Variants in HS6ST2 observed in about 807,000 individuals in gnomAD.
HS6ST2 encodes the protein heparan sulfate 6-O-sulfotransferase 2.
Under a neutral mutation model 33.0 loss-of-function variants are expected in HS6ST2, and 17 were observed. The ratio of observed to expected loss-of-function variants is 0.52; its 90% CI spans 0.35 to 0.77. The LOEUF (loss-of-function observed/expected upper bound fraction) is 0.77, where lower values mean the gene tolerates loss of function less well. HS6ST2 is among the 30% of genes least tolerant of loss of function. The pLI is 0.01. For missense variants in HS6ST2, 519 were observed against 551.7 expected, an observed-to-expected ratio of 0.94 and a Z score of 0.59; for synonymous variants, 248 against 237.1, an observed-to-expected ratio of 1.05 and a Z score of -0.42.
chrX:132,864,149 C>G (rs1486117185), intron 2 of HS6ST2, among the ~76,000 whole-genome samples: 1 of 109,785 alleles, frequency 9.1e-6, no homozygotes, highest in East Asian at 2.9e-4. Flanking sequence ...GAGGAAAAAC[C>G]ATCACAAAAC....
chrX:132,728,079 A>T lies in HS6ST2; in HGVS notation c.948-19585T>A, dbSNP rs1243763423. Among the ~76,000 whole-genome samples, 12 of 111,859 alleles carry T rather than the reference A, an allele frequency of 1.1e-4. No individual in the cohort carries two copies. The East Asian group carries it at 2.8e-3, about 26-fold the overall frequency. On this transcript the variant is annotated intron_variant, in intron 2 of 4. Coordinates refer to ENST00000370833, the MANE Select transcript of HS6ST2 (RefSeq NM_001394073.1). Reference sequence around the variant, plus strand: ...TTGGGGTTGTTTTCATTTTTTCACTATCATGATTAATGCTGCTATGAATGT... The same window carrying T: ...TTGGGGTTGTTTTCATTTTTTCACTTTCATGATTAATGCTGCTATGAATGT...
intron 2 of HS6ST2, among the ~76,000 whole-genome samples, chrX:132,711,810 T>C (rs1225165033): frequency 8.9e-6 from 1 of 111,851 alleles, no homozygotes; most frequent in Non-Finnish European, 1.9e-5. Context: ...GGAAAAATTA[T>C]AGAAGGAAAC....
At chrX:132,629,936 A>G (rs917817001) in intron 4 of HS6ST2, among the ~76,000 whole-genome samples, 1 of 112,593 alleles carries the variant, frequency 8.9e-6, no homozygotes, top group East Asian at 2.8e-4. Flanking sequence ...GGGCACGTGG[A>G]TGTCAGCAAG....
intron 2 of HS6ST2, among the ~76,000 whole-genome samples, chrX:132,930,701 G>A (rs1471448400): frequency 9.0e-6 from 1 of 111,372 alleles, no homozygotes; most frequent in East Asian, 2.8e-4. Flanking sequence ...CCAAGGGCTT[G>A]GCTTGGGGAA....
intron 2 of HS6ST2, among the ~76,000 whole-genome samples, chrX:132,820,522 C>T (rs896307978): frequency 1.8e-5 from 2 of 111,121 alleles, no homozygotes; most frequent in South Asian, 3.8e-4. Flanking sequence ...CGGAGAAAGC[C>T]CATGCAACGT....
chrX:132,804,332 C>G (rs1166842949), intron 2 of HS6ST2, among the ~76,000 whole-genome samples: 1 of 112,009 alleles, frequency 8.9e-6, no homozygotes, highest in African/African-American at 3.2e-5. Flanking sequence ...GTGCAGATAC[C>G]TGGACACCAC....
chrX:132,646,654 C>A (rs1241567837), intron 4 of HS6ST2, among the ~76,000 whole-genome samples: 2 of 111,093 alleles, frequency 1.8e-5, no homozygotes, highest in Non-Finnish European at 3.8e-5. Context: ...AGTTGGAACA[C>A]CGTGCAACGT....
intron 3 of HS6ST2, among the ~76,000 whole-genome samples, chrX:132,676,999 CCA>C (rs1340441078): frequency 8.9e-6 from 1 of 112,360 alleles, no homozygotes; most frequent in East Asian, 2.8e-4. Context: ...ACTGCAAACA[CCA>C]CAGAGTGGAG....
At chrX:132,758,355 T>G (rs2064776366) in intron 2 of HS6ST2, 1 of 111,910 alleles carries the variant, frequency 8.9e-6, no homozygotes, top group African/African-American at 3.2e-5. Context: ...GATCAGTGAT[T>G]TAATGCAAGA....
chrX:132,852,133 C>T (rs1359585546), intron 2 of HS6ST2, among the ~76,000 whole-genome samples: 1 of 111,288 alleles, frequency 9.0e-6, no homozygotes, highest in Non-Finnish European at 1.9e-5. Context: ...GAGTGAGACC[C>T]TGTCTCTTAA....
chrX:132,803,190 G>A (rs990712923), intron 2 of HS6ST2, among the ~76,000 whole-genome samples: 2 of 111,562 alleles, frequency 1.8e-5, no homozygotes, highest in Admixed American at 9.6e-5. Flanking sequence ...CTACTAGTTA[G>A]AGCTTCTTCA....
chrX:132,629,286 A>AT (rs749565258), intron 4 of HS6ST2, among the ~76,000 whole-genome samples, 193 bp from the exon 5 acceptor site: 1 of 111,822 alleles, frequency 8.9e-6, no homozygotes, highest in Admixed American at 9.4e-5. Context: ...GAGATAGCTA[A>AT]TTTTTTCAAC....
chrX:132,676,875 A>T (rs1282688084), intron 3 of HS6ST2, among the ~76,000 whole-genome samples: 1 of 112,134 alleles, frequency 8.9e-6, no homozygotes, highest in Non-Finnish European at 1.9e-5. Context: ...CAAAATTCAA[A>T]TCTGCTGGAT....
At chrX:132,753,877 G>A (rs1329006895) in intron 2 of HS6ST2, among the ~76,000 whole-genome samples, 1 of 111,887 alleles carries the variant, frequency 8.9e-6, no homozygotes, top group African/African-American at 3.2e-5. Context: ...AATAGTTTTG[G>A]ATTTCTAGAA....
At chrX:132,809,455 T>C (rs1214343518) in intron 2 of HS6ST2, among the ~76,000 whole-genome samples, 3 of 112,017 alleles carry the variant, frequency 2.7e-5, no homozygotes, top group Admixed American at 9.5e-5. Flanking sequence ...GTACTGACAA[T>C]GTGGTTGGCA....
In HS6ST2 at chrX:132,627,156, A is replaced by G. The variant is rs886199442; in HGVS notation, c.*1067T>C. 2.7e-5 allele frequency: 3 copies of G among 112,857 alleles called. No homozygotes were observed. The highest frequency in any genetic ancestry group is 5.6e-5 in the Non-Finnish European group (3 of 53,294). 9.3% of individuals were successfully genotyped at this position (112,857 alleles called of 1,213,427 possible). On this transcript the variant is annotated 3_prime_UTR_variant, in exon 5 of 5. Transcript: ENST00000370833. Reference sequence around the variant, plus strand: ...GTACAAAAAGTAAGTAAGAGTTCACATTTTAGGTTAAATTCTATCTGATCA... The same window carrying G: ...GTACAAAAAGTAAGTAAGAGTTCACGTTTTAGGTTAAATTCTATCTGATCA...
At chrX:132,685,108 C>G (rs907899595) in intron 3 of HS6ST2, among the ~76,000 whole-genome samples, 4 of 111,713 alleles carry the variant, frequency 3.6e-5, no homozygotes, top group African/African-American at 1.3e-4. Flanking sequence ...AGGACACACA[C>G]AAAAAGGTAC....
intron 2 of HS6ST2, among the ~76,000 whole-genome samples, chrX:132,720,474 A>G (rs2064318170): frequency 9.0e-6 from 1 of 111,274 alleles, no homozygotes; most frequent in African/African-American, 3.3e-5. Context: ...GGAAACTCAC[A>G]TGAATTGCTG....
intron 2 of HS6ST2, among the ~76,000 whole-genome samples, chrX:132,818,099 G>A (rs1350923721): frequency 1.8e-5 from 2 of 111,405 alleles, no homozygotes; most frequent in African/African-American, 6.5e-5. Context: ...CAAAACCTAG[G>A]TGAAGAGCCC....
Sources: gnomAD v4.1 joint callset for allele counts (sites outside exome capture counted in the v4.1 genomes callset) on GRCh38, gnomAD v4.1.1 for gene constraint, MANE v1.5 for transcripts, NCBI Gene and HGNC (gene_info 2026-07-23, HGNC 2026-07-21) for gene names.